The following SNAP25 variants were observed in gnomAD, a reference collection of about 807,000 sequenced individuals.
SNAP25 encodes the protein synaptosome associated protein 25, also known as synaptosomal-associated protein 25.
A neutral mutation model predicts 28.7 loss-of-function variants in SNAP25; 3 were observed. The observed-to-expected ratio is 0.10, with a 90% confidence interval of 0.05 to 0.27. The LOEUF is 0.27. Among genes scored for constraint, SNAP25 ranks in the 10% least tolerant of loss-of-function variants. The pLI is 1.00. For synonymous variants in SNAP25, 61 were observed against 88.1 expected, an observed-to-expected ratio of 0.69 and a Z score of 1.72; for missense variants, 117 against 278.7, an observed-to-expected ratio of 0.42 and a Z score of 4.13.
intron 1 of SNAP25, among the ~76,000 whole-genome samples, chr20:10,220,350 G>A (rs2062606808): frequency 6.6e-6 from 1 of 152,196 alleles, no homozygotes; most frequent in African/African-American, 2.4e-5. Flanking sequence ...CGGTTTCAGA[G>A]TTACTGGAAG....
chr20:10,283,025 C>T (rs755048337), intron 3 of SNAP25, among the ~76,000 whole-genome samples: 4 of 152,174 alleles, frequency 2.6e-5, no homozygotes, highest in African/African-American at 4.8e-5. Context: ...CCTAGCCCTA[C>T]TGAATCAGAA....
intron 1 of SNAP25, among the ~76,000 whole-genome samples, chr20:10,225,659 T>G (rs2062723065): frequency 6.6e-6 from 1 of 152,206 alleles, no homozygotes; most frequent in Non-Finnish European, 1.5e-5. Context: ...GTTGGCACTT[T>G]CTGCTGACTC....
intron 1 of SNAP25, 102 bp downstream of exon 1, chr20:10,219,079 T>C (rs902333314): frequency 6.6e-6 from 1 of 151,576 alleles, no homozygotes; most frequent in South Asian, 2.1e-4. Flanking sequence ...TAAATACAAG[T>C]ATTGGTGCAC....
intron 1 of SNAP25, among the ~76,000 whole-genome samples, chr20:10,239,955 C>G (rs1290825710): frequency 6.6e-6 from 1 of 152,150 alleles, no homozygotes; most frequent in South Asian, 2.1e-4. Flanking sequence ...TTACTGCAAC[C>G]CCAGTGACTT....
At chr20:10,248,192 A>C (rs543825983) in intron 1 of SNAP25, among the ~76,000 whole-genome samples, 1 of 152,342 alleles carries the variant, frequency 6.6e-6, no homozygotes, top group African/African-American at 2.4e-5. Context: ...GTGTGCACAG[A>C]AGCCAACAAA....
At chr20:10,230,579 G>A (rs1266413670) in intron 1 of SNAP25, among the ~76,000 whole-genome samples, 2 of 152,048 alleles carry the variant, frequency 1.3e-5, no homozygotes, top group African/African-American at 4.8e-5. Flanking sequence ...GAAACTCTAG[G>A]GCGAGACCCA....
intron 1 of SNAP25, among the ~76,000 whole-genome samples, chr20:10,226,748 C>T (rs6032827): frequency 2.0e-4 from 31 of 152,080 alleles, no homozygotes; most frequent in African/African-American, 7.5e-4. Context: ...AAGAACCAGC[C>T]TCAGCCATCA....
At position 10,300,277 on chromosome 20, in the gene SNAP25, A is replaced by T. The variant is rs138522670; in HGVS notation, c.552+865A>T. On this transcript the variant is annotated intron_variant, in intron 7 of 7. Coordinates refer to ENST00000254976, the MANE Select transcript of SNAP25 (RefSeq NM_130811.4). Reference sequence around the variant, plus strand: ...GAGACCTAGGGCACCAAAACCTGATATTCTACAACACAGAACTCCGACATA... The same window carrying T: ...GAGACCTAGGGCACCAAAACCTGATTTTCTACAACACAGAACTCCGACATA... Among the ~76,000 whole-genome samples, 507 of 152,302 alleles carry T rather than the reference A, an allele frequency of 3.3e-3. 12 individuals carry two copies. In the South Asian group the frequency reaches 0.049, roughly 15 times the overall value.
intron 1 of SNAP25, among the ~76,000 whole-genome samples, chr20:10,238,439 G>A (rs1568578735): frequency 6.6e-6 from 1 of 152,226 alleles, no homozygotes; most frequent in South Asian, 2.1e-4. Context: ...CAGCGAGGGA[G>A]TGGGAGGGAG....
chr20:10,285,051 TA>T lies in SNAP25; in HGVS notation c.163+282del, dbSNP rs149322472. Among the ~76,000 whole-genome samples, 22,492 of 152,144 alleles carry T rather than the reference TA, an allele frequency of 0.15. 1,880 individuals are homozygous for T. The highest frequency in any genetic ancestry group is 0.2 in the Admixed American group (3,064 of 15,284). On this transcript the variant is annotated intron_variant, in intron 4 of 7. Transcript: ENST00000254976. ...TTTTGAAGGCAAAAGCCATTTTTTT[TA>T]AATGATAGTATTTTGGACAGTGTAA...
intron 7 of SNAP25, among the ~76,000 whole-genome samples, chr20:10,304,966 A>T (rs1440495325): frequency 6.6e-6 from 1 of 152,234 alleles, no homozygotes; most frequent in Non-Finnish European, 1.5e-5. Context: ...AATTTTATAC[A>T]ATTATGATTT....
chr20:10,294,704 T>A (rs2064070700), intron 5 of SNAP25, among the ~76,000 whole-genome samples: 1 of 150,960 alleles, frequency 6.6e-6, no homozygotes, highest in Non-Finnish European at 1.5e-5. Flanking sequence ...GGCTCAGGAG[T>A]CTAGCAAAGA....
At chr20:10,242,676 G>C (rs959615571) in intron 1 of SNAP25, among the ~76,000 whole-genome samples, 115 of 152,310 alleles carry the variant, frequency 7.6e-4, no homozygotes, top group African/African-American at 2.6e-3. Context: ...CAGGAGGCCT[G>C]TTACAGGAGG....
At chr20:10,289,520 G>T (rs1415404856) in intron 4 of SNAP25, among the ~76,000 whole-genome samples, 5 of 151,484 alleles carry the variant, frequency 3.3e-5, no homozygotes, top group African/African-American at 1.2e-4. Flanking sequence ...CTACAAGGTG[G>T]CATCTGAAAA....
intron 1 of SNAP25, among the ~76,000 whole-genome samples, chr20:10,225,234 G>GAA (rs3838033): frequency 5.7e-4 from 82 of 144,672 alleles, no homozygotes; most frequent in Middle Eastern, 3.6e-3. Context: ...TCCCGGAGGG[G>GAA]AAAAAAAAAA....
At chr20:10,289,045 G>A (rs1483961299) in intron 4 of SNAP25, among the ~76,000 whole-genome samples, 6 of 152,122 alleles carry the variant, frequency 3.9e-5, no homozygotes, top group Non-Finnish European at 8.8e-5. Flanking sequence ...ACAGCAGCAC[G>A]GGAGCCTCAA....
chr20:10,286,275 G>A (rs2063876551), intron 4 of SNAP25, among the ~76,000 whole-genome samples: 2 of 152,102 alleles, frequency 1.3e-5, no homozygotes, highest in South Asian at 2.1e-4. Context: ...AGGGACTGGA[G>A]GAAGATGCCT....
intron 1 of SNAP25, among the ~76,000 whole-genome samples, chr20:10,235,201 C>G (rs1255673295): frequency 1.3e-5 from 2 of 152,086 alleles, no homozygotes; most frequent in African/African-American, 4.8e-5. Context: ...TCACTGCACT[C>G]CAGCCTGGGC....
intron 2 of SNAP25, among the ~76,000 whole-genome samples, chr20:10,276,276 C>A (rs1409218520): frequency 1.3e-5 from 2 of 151,998 alleles, no homozygotes; most frequent in African/African-American, 4.8e-5. Context: ...TAGAGAGACT[C>A]CCATCTCTAA....
Sources: allele counts gnomAD v4.1 joint callset (sites outside exome capture counted in the v4.1 genomes callset), GRCh38; gene constraint gnomAD v4.1.1; transcripts MANE v1.5; gene names NCBI Gene and HGNC (gene_info 2026-07-23, HGNC 2026-07-21).